Variants in TVP23C observed in about 807,000 individuals in gnomAD.
TVP23C encodes trans-golgi network vesicle protein 23 homolog C, also known as Golgi apparatus membrane protein TVP23 homolog C.
TVP23C carries 19 observed loss-of-function variants against 28.7 expected under a neutral mutation model. That is an observed-to-expected ratio of 0.66 (90% CI 0.46 to 0.97). The LOEUF (loss-of-function observed/expected upper bound fraction) is 0.97, where lower values mean the gene tolerates loss of function less well. Among genes scored for constraint, TVP23C ranks in the 50% least tolerant of loss-of-function variants. The probability of loss-of-function intolerance (pLI) is 0.00; values close to 1 mark genes in which losing one functional copy is unlikely to be tolerated. For missense variants in TVP23C, 186 were observed against 241.3 expected (o/e 0.77, Z 1.52); for synonymous variants, 68 against 81.7 (o/e 0.83, Z 0.90).
At chr17:15,516,138 T>G (rs1407210601) in intron 5 of TVP23C, among the ~76,000 whole-genome samples, 1 of 152,210 alleles carries the variant, frequency 6.6e-6, no homozygotes, top group Non-Finnish European at 1.5e-5. Context: ...TTAAACCTCT[T>G]TTCTTTGTAA....
intron 5 of TVP23C, among the ~76,000 whole-genome samples, chr17:15,507,967 A>G (rs1981839118): frequency 6.6e-6 from 1 of 152,232 alleles, no homozygotes. Context: ...GGAGTAAATG[A>G]ATGAGTAGGT....
chr17:15,518,768 G>A (rs1982342022), intron 5 of TVP23C, among the ~76,000 whole-genome samples: 1 of 152,126 alleles, frequency 6.6e-6, no homozygotes, highest in Admixed American at 6.5e-5. Flanking sequence ...AATACAAGAG[G>A]GAGAGGAGAA....
chr17:15,530,203 T>A (rs1034560616), intron 5 of TVP23C, among the ~76,000 whole-genome samples: 1 of 152,222 alleles, frequency 6.6e-6, no homozygotes, highest in African/African-American at 2.4e-5. Context: ...CTTTTATGCA[T>A]CTTATGTCTT....
At chr17:15,515,708 T>G (rs1424698534) in intron 5 of TVP23C, among the ~76,000 whole-genome samples, 3 of 152,128 alleles carry the variant, frequency 2.0e-5, no homozygotes, top group Non-Finnish European at 4.4e-5. Flanking sequence ...AAATCCCAGC[T>G]TTCACCACGC....
rs1223742547 is a variant in TVP23C, at chr17:15,515,363, C to T, written c.463-12131G>A. On this transcript the variant is annotated intron_variant, in intron 5 of 5. Coordinates refer to the TVP23C transcript ENST00000225576. ...ATTTGTGTAGGAATCCTCATGTAAGCGTCTGCTCCTGAGGACCTGACCTAA... is the reference window on the plus strand; with the variant it reads ...ATTTGTGTAGGAATCCTCATGTAAGTGTCTGCTCCTGAGGACCTGACCTAA... 3.3e-5 allele frequency among the ~76,000 whole-genome samples: 5 copies of T among 152,140 alleles called. No individual in the cohort carries two copies. The East Asian group carries it at 9.6e-4, about 29-fold the overall frequency.
chr17:15,526,188 A>T (rs1290005425), intron 5 of TVP23C, among the ~76,000 whole-genome samples: 1 of 151,830 alleles, frequency 6.6e-6, no homozygotes, highest in African/African-American at 2.4e-5. Context: ...CTCTACAGAG[A>T]TGCCTCTTAA....
chr17:15,548,735 GGGGATACATTCCAA>G (rs568179060), intron 3 of TVP23C, among the ~76,000 whole-genome samples: 230 of 152,216 alleles, frequency 1.5e-3, no homozygotes, highest in African/African-American at 5.2e-3. Context: ...CTTATCTGCA[GGGGATACATTCCAA>G]GACCCCCAGC....
rs556094389 is a variant in TVP23C, at chr17:15,507,227, T to C, written c.463-3995A>G. On this transcript the variant is annotated intron_variant, in intron 5 of 5. Transcript: ENST00000225576. ...GCACTGCCAAGACAGCGTGGTTGAA[T>C]GGGAAGCAGGTGGTCTCTGGCAAGG... 60 of 735,088 alleles carry C rather than the reference T, an allele frequency of 8.2e-5. 1 individual carries two copies. The East Asian group carries it at 9.5e-4, about 12-fold the overall frequency. The allele number at this position is 735,088 out of a possible 1,614,324, so 45.5% of individuals were successfully genotyped here. A position where few individuals can be genotyped will look rare whatever the true frequency, so the allele number is the denominator to read the frequency against.
At chr17:15,512,335 C>T (rs1019994766) in intron 5 of TVP23C, among the ~76,000 whole-genome samples, 1 of 152,128 alleles carries the variant, frequency 6.6e-6, no homozygotes, top group Non-Finnish European at 1.5e-5. Context: ...GGCTTTATCT[C>T]GTGAGCAAGA....
chr17:15,523,422 C>G (rs1294219512), intron 5 of TVP23C, among the ~76,000 whole-genome samples: 1 of 151,088 alleles, frequency 6.6e-6, no homozygotes, highest in African/African-American at 2.4e-5. Context: ...GCGATTCTCC[C>G]GCCTCAGCCT....
intron 5 of TVP23C, among the ~76,000 whole-genome samples, chr17:15,531,355 G>A (rs556406639): frequency 7.9e-5 from 12 of 152,062 alleles, no homozygotes; most frequent in Middle Eastern, 3.4e-3. Flanking sequence ...ATTGAATTTG[G>A]GAAGTCTCAG....
At chr17:15,502,809 CCTCTCTCT>C (rs57432478) in exon 6 of TVP23C, 245 of 1,409,852 alleles carry the variant, frequency 1.7e-4, no homozygotes, top group African/African-American at 8.6e-4. Flanking sequence ...TCCTCTCTCT[CCTCTCTCT>C]CTCTCTCTCT....
intron 5 of TVP23C, among the ~76,000 whole-genome samples, chr17:15,522,465 T>G (rs1009662521): frequency 6.6e-6 from 1 of 152,172 alleles, no homozygotes; most frequent in Admixed American, 6.5e-5. Flanking sequence ...TTTGACAGAA[T>G]GGCATCACAA....
chr17:15,549,729 G>A (rs950960922), intron 3 of TVP23C, among the ~76,000 whole-genome samples: 3 of 151,732 alleles, frequency 2.0e-5, no homozygotes, highest in Admixed American at 1.3e-4. Context: ...ACATAAAAAC[G>A]TCAAGAAGAC....
chr17:15,545,224 C>T (rs1983589720), intron 5 of TVP23C, among the ~76,000 whole-genome samples: 1 of 152,168 alleles, frequency 6.6e-6, no homozygotes, highest in Non-Finnish European at 1.5e-5. Context: ...GAACACCCCA[C>T]AAGTGAAGTA....
At chr17:15,552,722 T>C (rs1983948948) in intron 3 of TVP23C, among the ~76,000 whole-genome samples, 1 of 152,168 alleles carries the variant, frequency 6.6e-6, no homozygotes, top group Non-Finnish European at 1.5e-5. Flanking sequence ...AATGGCTACA[T>C]TGGTGGATGT....
chr17:15,554,478 C>A (rs1483077943), intron 2 of TVP23C, among the ~76,000 whole-genome samples: 1 of 152,152 alleles, frequency 6.6e-6, no homozygotes, highest in East Asian at 1.9e-4. Flanking sequence ...ACCTCGTGAT[C>A]CACCTGCCTC....
chr17:15,512,427 A>G (rs987435226), intron 5 of TVP23C, among the ~76,000 whole-genome samples: 1 of 152,214 alleles, frequency 6.6e-6, no homozygotes, highest in Non-Finnish European at 1.5e-5. Flanking sequence ...AGGACCTTCC[A>G]TAAGAAGACA....
intron 5 of TVP23C, among the ~76,000 whole-genome samples, chr17:15,519,331 G>T (rs1982368694): frequency 6.6e-6 from 1 of 152,072 alleles, no homozygotes; most frequent in Admixed American, 6.5e-5. Context: ...TACAAGCCAA[G>T]CATGGTGGCT....
Sources: gnomAD v4.1 joint callset for allele counts (sites outside exome capture counted in the v4.1 genomes callset) on GRCh38, gnomAD v4.1.1 for gene constraint, MANE v1.5 for transcripts, NCBI Gene and HGNC (gene_info 2026-07-23, HGNC 2026-07-21) for gene names.